The following GMDS variants were observed in gnomAD, a reference collection of about 807,000 sequenced individuals.
GMDS encodes GDP-mannose 4,6-dehydratase.
In GMDS, 20 loss-of-function variants were observed where a neutral mutation model predicts 49.9. That is an observed-to-expected ratio of 0.40 (90% CI 0.28 to 0.58). The LOEUF is 0.58. Ranked by LOEUF, GMDS falls within the 20% of genes least tolerant of loss-of-function variation. The pLI is 0.42. For missense variants in GMDS, 362 were observed against 481.4 expected (o/e 0.75, Z 2.32); for synonymous variants, 177 against 178.6 (o/e 0.99, Z 0.07).
chr6:2,221,371 T>C (rs954977252), intron 1 of GMDS, among the ~76,000 whole-genome samples: 2 of 151,976 alleles, frequency 1.3e-5, no homozygotes, highest in African/African-American at 4.9e-5. Flanking sequence ...CTTAAAGTAG[T>C]GTCATCTAAA....
At chr6:2,053,771 A>AT (rs1025398276) in intron 4 of GMDS, among the ~76,000 whole-genome samples, 12 of 152,068 alleles carry the variant, frequency 7.9e-5, no homozygotes, top group Admixed American at 6.5e-4. Flanking sequence ...GAAACCTTTG[A>AT]TTTTTTAAAC....
intron 7 of GMDS, among the ~76,000 whole-genome samples, chr6:1,779,542 C>T (rs992431034): frequency 2.0e-5 from 3 of 152,094 alleles, no homozygotes; most frequent in Admixed American, 6.5e-5. Context: ...AGAAACAATG[C>T]GTGTGACCCC....
At chr6:2,112,006 T>G (rs957158306) in intron 4 of GMDS, among the ~76,000 whole-genome samples, 1 of 152,120 alleles carries the variant, frequency 6.6e-6, no homozygotes, top group African/African-American at 2.4e-5. Context: ...CAGTCTGTGA[T>G]CACATGGCGC....
chr6:1,649,983 T>C (rs1285773270), intron 9 of GMDS, among the ~76,000 whole-genome samples: 3 of 152,226 alleles, frequency 2.0e-5, no homozygotes, highest in African/African-American at 7.2e-5. Context: ...AATGTGCACC[T>C]TGCCTTCTGA....
chr6:1,743,931 C>A (rs1767385726), intron 7 of GMDS, among the ~76,000 whole-genome samples: 1 of 152,110 alleles, frequency 6.6e-6, no homozygotes, highest in Non-Finnish European at 1.5e-5. Context: ...TATAACACAG[C>A]CTCCAATGAT....
At chr6:2,124,572 G>C (rs1358184140) in intron 2 of GMDS, 115 bp downstream of exon 2, 1 of 800,590 alleles carries the variant, frequency 1.2e-6, no homozygotes, top group African/African-American at 1.7e-5. Context: ...ATTCTGATTT[G>C]TTATCTGCGT....
At chr6:2,029,449 C>G (rs1768822214) in intron 4 of GMDS, among the ~76,000 whole-genome samples, 2 of 152,152 alleles carry the variant, frequency 1.3e-5, no homozygotes, top group Non-Finnish European at 2.9e-5. Flanking sequence ...ATATTAAAAG[C>G]AGATAAATTA....
At chr6:2,034,058 T>C (rs1421713213) in intron 4 of GMDS, among the ~76,000 whole-genome samples, 1 of 152,166 alleles carries the variant, frequency 6.6e-6, no homozygotes, top group Non-Finnish European at 1.5e-5. Context: ...TGGTACAGGA[T>C]TAAAGGTATT....
intron 7 of GMDS, among the ~76,000 whole-genome samples, chr6:1,749,702 T>C (rs1767649072): frequency 6.6e-6 from 1 of 152,256 alleles, no homozygotes; most frequent in African/African-American, 2.4e-5. Flanking sequence ...TCTGCTTCTC[T>C]CTAATAGGTA....
At chr6:2,190,846 G>A (rs1295946626) in intron 1 of GMDS, among the ~76,000 whole-genome samples, 1 of 152,124 alleles carries the variant, frequency 6.6e-6, no homozygotes, top group Non-Finnish European at 1.5e-5. Flanking sequence ...AGCAGCAATG[G>A]CAAAGGTGGG....
intron 4 of GMDS, among the ~76,000 whole-genome samples, chr6:2,060,144 T>C (rs1195418366): frequency 6.6e-6 from 1 of 152,132 alleles, no homozygotes; most frequent in Non-Finnish European, 1.5e-5. Context: ...CCATGTTTGA[T>C]AGGTGAAAAA....
At chr6:1,763,947 G>A (rs1390692970) in intron 7 of GMDS, among the ~76,000 whole-genome samples, 1 of 152,202 alleles carries the variant, frequency 6.6e-6, no homozygotes, top group Non-Finnish European at 1.5e-5. Flanking sequence ...CACTGGAGCT[G>A]AGGCACCCCC....
rs1393108619 is a variant in GMDS at position 1,751,378 on chromosome 6, C to G, written c.772-8792G>C. 2.6e-5 allele frequency among the ~76,000 whole-genome samples: 4 copies of G among 152,214 alleles called. No homozygotes were observed. The East Asian group carries it at 7.7e-4, about 29-fold the overall frequency. On this transcript the variant is annotated intron_variant, in intron 7 of 10. Coordinates refer to ENST00000380815, the MANE Select transcript of GMDS (RefSeq NM_001500.4). Reference sequence around the variant, plus strand: ...GGAACGAAGCTCCCGGAGGAAGGAACAGGCAGCAATCTTTGCTGTTCTGCA... The same window carrying G: ...GGAACGAAGCTCCCGGAGGAAGGAAGAGGCAGCAATCTTTGCTGTTCTGCA...
intron 4 of GMDS, among the ~76,000 whole-genome samples, chr6:2,104,557 C>G (rs1774110389): frequency 1.3e-5 from 2 of 152,028 alleles, no homozygotes; most frequent in East Asian, 1.9e-4. Context: ...TGTCTCTAAT[C>G]TAGAGGGATG....
At chr6:1,773,519 T>C (rs1458695242) in intron 7 of GMDS, among the ~76,000 whole-genome samples, 1 of 152,198 alleles carries the variant, frequency 6.6e-6, no homozygotes, top group African/African-American at 2.4e-5. Context: ...AGGGCTGCCC[T>C]TGGGCAGGTG....
At chr6:1,924,955 CAA>C (rs34895587) in intron 7 of GMDS, among the ~76,000 whole-genome samples, 2 of 148,460 alleles carry the variant, frequency 1.3e-5, no homozygotes, top group Non-Finnish European at 1.5e-5. Flanking sequence ...GACTCCGTCT[CAA>C]AAAAAAAAAA....
chr6:1,993,634 A>G (rs1034114717), intron 4 of GMDS, among the ~76,000 whole-genome samples: 2 of 152,026 alleles, frequency 1.3e-5, no homozygotes, highest in Admixed American at 6.6e-5. Context: ...TTATTTCCTC[A>G]TTCTCCAATT....
At chr6:1,849,345 C>T (rs13197291) in intron 7 of GMDS, among the ~76,000 whole-genome samples, 8,767 of 152,252 alleles carry the variant, frequency 0.058, 348 homozygotes, top group Non-Finnish European at 0.087. Context: ...GACCACCATA[C>T]GCATGCTGAT....
intron 7 of GMDS, among the ~76,000 whole-genome samples, chr6:1,876,468 G>T (rs1379370482): frequency 2.0e-5 from 3 of 152,150 alleles, no homozygotes; most frequent in South Asian, 2.1e-4. Context: ...ATTTGTTAAA[G>T]AACTAAACTT....
Sources: allele counts gnomAD v4.1 joint callset (sites outside exome capture counted in the v4.1 genomes callset), GRCh38; gene constraint gnomAD v4.1.1; transcripts MANE v1.5; gene names NCBI Gene and HGNC (gene_info 2026-07-23, HGNC 2026-07-21).